Variants in ERBB4 observed in about 807,000 individuals in gnomAD.
ERBB4 encodes erb-b2 receptor tyrosine kinase 4.
ERBB4 carries 42 observed loss-of-function variants against 158.0 expected under a neutral mutation model. That is an observed-to-expected ratio of 0.27 (90% CI 0.21 to 0.34). The LOEUF is 0.34. Among genes scored for constraint, ERBB4 ranks in the 10% least tolerant of loss-of-function variants. The probability of loss-of-function intolerance (pLI) is 1.00; values close to 1 mark genes in which losing one functional copy is unlikely to be tolerated. For missense variants in ERBB4, 1,333 were observed against 1,624.1 expected, an observed-to-expected ratio of 0.82 and a Z score of 3.08; for synonymous variants, 583 against 558.7, an observed-to-expected ratio of 1.04 and a Z score of -0.61.
intron 20 of ERBB4, among the ~76,000 whole-genome samples, chr2:211,537,489 G>A (rs919440489): frequency 1.1e-4 from 17 of 151,986 alleles, no homozygotes; most frequent in African/African-American, 4.1e-4. Context: ...AACATGTTAA[G>A]TCATTCGTTC....
intron 1 of ERBB4, among the ~76,000 whole-genome samples, chr2:212,496,186 C>T (rs1172602226): frequency 7.2e-6 from 1 of 138,220 alleles, no homozygotes; most frequent in African/African-American, 3.4e-5. Flanking sequence ...ATGTTTAAAA[C>T]ATTTTAGGAT....
chr2:212,443,889 T>C (rs764018880), intron 1 of ERBB4, among the ~76,000 whole-genome samples: 1 of 152,180 alleles, frequency 6.6e-6, no homozygotes, highest in Non-Finnish European at 1.5e-5. Context: ...AAACTGAACA[T>C]TTGACCATAG....
chr2:211,567,736 TTC>T (rs1479538452), intron 19 of ERBB4, among the ~76,000 whole-genome samples: 1 of 151,832 alleles, frequency 6.6e-6, no homozygotes, highest in East Asian at 1.9e-4. Flanking sequence ...TGCGTAATAG[TTC>T]TCTTTTTCTG....
intron 5 of ERBB4, among the ~76,000 whole-genome samples, chr2:211,734,087 A>C (rs2074521426): frequency 6.6e-6 from 1 of 152,200 alleles, no homozygotes; most frequent in Non-Finnish European, 1.5e-5. Context: ...TGTCTCAAAA[A>C]TATTTTTAAA....
chr2:211,715,840 C>A (rs116736740), intron 7 of ERBB4, among the ~76,000 whole-genome samples: 2,095 of 152,234 alleles, frequency 0.014, 55 homozygotes, highest in African/African-American at 0.048. Context: ...TATCAATTAC[C>A]CAGTCTCAGG....
At chr2:211,851,681 T>C (rs541227095) in intron 3 of ERBB4, among the ~76,000 whole-genome samples, 3 of 152,118 alleles carry the variant, frequency 2.0e-5, no homozygotes, top group Non-Finnish European at 2.9e-5. Context: ...ATAATATTTA[T>C]ATCCCATAAA....
At position 212,323,359 on chromosome 2, in the gene ERBB4, A is replaced by C. The variant is rs141253575; in HGVS notation, c.83-198456T>G. ...AATTCTGATTTTTATCTAAGATTGA[A>C]AGCAAAGACTATTTTAAGAATGCTG... is the stretch of plus-strand genomic sequence containing the variant. On this transcript the variant is annotated intron_variant, in intron 1 of 27. Coordinates refer to ENST00000342788, the MANE Select transcript of ERBB4 (RefSeq NM_005235.3). Among the ~76,000 whole-genome samples the C allele has an allele frequency of 2.6e-3, 385 of 150,744 alleles. 4 individuals are homozygous for C. Among genetic ancestry groups the C allele is most frequent in the African/African-American group, 9.1e-3 (378 of 41,390 alleles).
At chr2:212,341,870 A>G (rs968651011) in intron 1 of ERBB4, among the ~76,000 whole-genome samples, 2 of 152,204 alleles carry the variant, frequency 1.3e-5, no homozygotes, top group African/African-American at 4.8e-5. Context: ...GATGCTGTGA[A>G]TCCTCTTAGA....
chr2:211,403,597 G>C (rs995612450), intron 25 of ERBB4, among the ~76,000 whole-genome samples: 1 of 152,060 alleles, frequency 6.6e-6, no homozygotes, highest in Non-Finnish European at 1.5e-5. Context: ...TATCTCCACT[G>C]CACTTTAACT....
chr2:211,819,431 A>G (rs2076945163), intron 3 of ERBB4, among the ~76,000 whole-genome samples: 1 of 152,070 alleles, frequency 6.6e-6, no homozygotes, highest in Admixed American at 6.6e-5. Flanking sequence ...AAGGGGAAAT[A>G]GTAAAAGCTT....
intron 20 of ERBB4, among the ~76,000 whole-genome samples, chr2:211,453,110 TATTA>T (rs1468657054): frequency 6.6e-6 from 1 of 152,226 alleles, no homozygotes; most frequent in Non-Finnish European, 1.5e-5. Context: ...GCTGTTTCTT[TATTA>T]ATTGTTATAT....
chr2:212,324,964 T>C (rs2087756667), intron 1 of ERBB4, among the ~76,000 whole-genome samples: 1 of 150,296 alleles, frequency 6.7e-6, no homozygotes, highest in Non-Finnish European at 1.5e-5. Context: ...TAAACACTGA[T>C]CACACCCATA....
At chr2:211,582,715 ATTC>A (rs1322421014) in intron 19 of ERBB4, among the ~76,000 whole-genome samples, 3 of 152,306 alleles carry the variant, frequency 2.0e-5, no homozygotes, top group African/African-American at 7.2e-5. Flanking sequence ...TAAAAAATAA[ATTC>A]TTCATCTTTT....
At chr2:212,517,617 A>T (rs1160204685) in intron 1 of ERBB4, among the ~76,000 whole-genome samples, 3 of 152,006 alleles carry the variant, frequency 2.0e-5, no homozygotes, top group Non-Finnish European at 4.4e-5. Context: ...CTTTTCTTTC[A>T]TTCTCTTCTT....
intron 1 of ERBB4, among the ~76,000 whole-genome samples, chr2:212,368,907 G>A (rs6734836): frequency 0.59 from 89,112 of 151,848 alleles, 27,721 homozygotes; most frequent in African/African-American, 0.78. Context: ...AGTGCGGCCC[G>A]TGGACCAGCA....
chr2:212,485,235 A>G (rs192987922), intron 1 of ERBB4, among the ~76,000 whole-genome samples: 46 of 152,296 alleles, frequency 3.0e-4, no homozygotes, highest in Middle Eastern at 3.4e-3. Flanking sequence ...TTAGCTCCAC[A>G]TCACCTGCCC....
At chr2:212,369,687 A>G (rs1262466431) in intron 1 of ERBB4, among the ~76,000 whole-genome samples, 3 of 152,050 alleles carry the variant, frequency 2.0e-5, no homozygotes, top group Admixed American at 2.0e-4. Context: ...TTTGTAAAGT[A>G]ATACACTACC....
rs74586672 is a variant in ERBB4, at chr2:212,117,163, A to G, written c.234+7589T>C. Among the ~76,000 whole-genome samples the G allele has an allele frequency of 6.5e-3, 992 of 152,288 alleles. 11 individuals are homozygous for G. Among genetic ancestry groups the G allele is most frequent in the African/African-American group, 0.022 (921 of 41,554 alleles). On this transcript the variant is annotated intron_variant, in intron 2 of 27. Transcript: ENST00000342788. ...TGCTTTGGCCTAAATGACATGTTAC[A>G]ATATTATTCTCTCTGTGTCCTTTTT...
chr2:211,498,849 T>C (rs948900744), intron 20 of ERBB4, among the ~76,000 whole-genome samples: 1 of 152,104 alleles, frequency 6.6e-6, no homozygotes, highest in African/African-American at 2.4e-5. Flanking sequence ...CCATTAGAAA[T>C]ATAATCAGAA....
Sources: gnomAD v4.1 joint callset for allele counts (sites outside exome capture counted in the v4.1 genomes callset) on GRCh38, gnomAD v4.1.1 for gene constraint, MANE v1.5 for transcripts, NCBI Gene and HGNC (gene_info 2026-07-23, HGNC 2026-07-21) for gene names.